PCDH9: variants seen among roughly 807,000 people sequenced by gnomAD.
PCDH9 encodes protocadherin-9.
Under a neutral mutation model 70.6 loss-of-function variants are expected in PCDH9, and 24 were observed. That is an observed-to-expected ratio of 0.34 (90% CI 0.25 to 0.48). The LOEUF is 0.48. PCDH9 is among the 20% of genes least tolerant of loss of function. The pLI is 0.99. For synonymous variants in PCDH9, 562 were observed against 558.5 expected, an observed-to-expected ratio of 1.01 and a Z score of -0.09; for missense variants, 1,281 against 1,503.6, an observed-to-expected ratio of 0.85 and a Z score of 2.45.
At chr13:67,128,986 C>CTGCCTGGTGATAACCACT (rs1239763001) in intron 2 of PCDH9, among the ~76,000 whole-genome samples, 48 of 152,156 alleles carry the variant, frequency 3.2e-4, no homozygotes, top group African/African-American at 1.1e-3. Context: ...ACATATTCTC[C>CTGCCTGGTGATAACCACT]TGCCTGGTGA....
At chr13:66,907,962 C>T (rs973457175) in intron 2 of PCDH9, among the ~76,000 whole-genome samples, 1 of 152,062 alleles carries the variant, frequency 6.6e-6, no homozygotes, top group Non-Finnish European at 1.5e-5. Flanking sequence ...CCACTGAAAA[C>T]GTTATTCCTA....
At chr13:67,073,573 A>AT (rs1178500011) in intron 2 of PCDH9, among the ~76,000 whole-genome samples, 1 of 152,118 alleles carries the variant, frequency 6.6e-6, no homozygotes, top group African/African-American at 2.4e-5. Flanking sequence ...AATCTCTTAT[A>AT]TAACTATGTG....
chr13:66,818,792 G>A (rs2080654965), intron 3 of PCDH9, among the ~76,000 whole-genome samples: 1 of 151,990 alleles, frequency 6.6e-6, no homozygotes, highest in Non-Finnish European at 1.5e-5. Flanking sequence ...AAATTAGCCG[G>A]GCGAGGTGGC....
chr13:66,502,197 T>C (rs1959180396), intron 4 of PCDH9, among the ~76,000 whole-genome samples: 1 of 152,178 alleles, frequency 6.6e-6, no homozygotes, highest in South Asian at 2.1e-4. Context: ...AAAGTATTTT[T>C]TTCTGTCAAG....
chr13:66,407,033 G>C (rs890638888), intron 4 of PCDH9, among the ~76,000 whole-genome samples: 2 of 152,100 alleles, frequency 1.3e-5, no homozygotes, highest in Non-Finnish European at 2.9e-5. Context: ...AGGTTTATGT[G>C]CTTATCTCAG....
At chr13:66,562,481 G>A (rs2076587892) in intron 4 of PCDH9, among the ~76,000 whole-genome samples, 2 of 152,136 alleles carry the variant, frequency 1.3e-5, no homozygotes, top group African/African-American at 4.8e-5. Context: ...TGGCTGGGGA[G>A]GCCTCACAAT....
At chr13:66,445,592 T>C (rs1235897283) in intron 4 of PCDH9, among the ~76,000 whole-genome samples, 1 of 143,374 alleles carries the variant, frequency 7.0e-6, no homozygotes, top group East Asian at 2.0e-4. Context: ...TACACATATA[T>C]ATTATATACA....
intron 3 of PCDH9, among the ~76,000 whole-genome samples, chr13:66,700,147 CTG>C (rs1335762503): frequency 6.6e-6 from 1 of 150,672 alleles, no homozygotes; most frequent in Non-Finnish European, 1.5e-5. Context: ...ACCCCGGCAC[CTG>C]TATTGCCAAC....
At chr13:66,450,123 C>T (rs1958174896) in intron 4 of PCDH9, among the ~76,000 whole-genome samples, 1 of 152,038 alleles carries the variant, frequency 6.6e-6, no homozygotes, top group South Asian at 2.1e-4. Flanking sequence ...CTACATCTTA[C>T]CCTAGAAAAT....
intron 2 of PCDH9, among the ~76,000 whole-genome samples, chr13:67,144,931 C>T (rs1204683590): frequency 2.6e-5 from 4 of 152,218 alleles, no homozygotes; most frequent in Middle Eastern, 6.8e-3. Flanking sequence ...GTCACTTTAA[C>T]CCCCTTAATT....
intron 4 of PCDH9, among the ~76,000 whole-genome samples, chr13:66,455,145 A>T (rs1958293191): frequency 6.6e-6 from 1 of 152,016 alleles, no homozygotes. Flanking sequence ...AAGTTTCATA[A>T]TTCAATCATA....
chr13:67,216,163 C>T (rs542243419), intron 2 of PCDH9: 35 of 152,150 alleles, frequency 2.3e-4, no homozygotes, highest in African/African-American at 8.2e-4. Flanking sequence ...TAACCCTTAG[C>T]TAAAGCAGAA....
chr13:67,195,656 T>C (rs1244490395), intron 2 of PCDH9, among the ~76,000 whole-genome samples: 1 of 152,194 alleles, frequency 6.6e-6, no homozygotes, highest in African/African-American at 2.4e-5. Context: ...TGAATTATTA[T>C]ATTTTGACAA....
At chr13:66,434,503 G>A (rs1233043181) in intron 4 of PCDH9, among the ~76,000 whole-genome samples, 3 of 151,970 alleles carry the variant, frequency 2.0e-5, no homozygotes, top group Non-Finnish European at 4.4e-5. Context: ...GGATATCCCT[G>A]TTGTGTTCAC....
intron 2 of PCDH9, chr13:67,205,273 A>G (rs555676324): frequency 1.3e-5 from 2 of 152,208 alleles, no homozygotes; most frequent in Non-Finnish European, 2.9e-5. Flanking sequence ...TGATCTATCT[A>G]AAATAGTCCC....
chr13:66,590,312 G>C (rs1208874443), intron 4 of PCDH9, among the ~76,000 whole-genome samples: 1 of 151,814 alleles, frequency 6.6e-6, no homozygotes, highest in Non-Finnish European at 1.5e-5. Flanking sequence ...TTCATATTGA[G>C]GCTTTGATAA....
chr13:66,939,927 T>G (rs1394524829), intron 2 of PCDH9, among the ~76,000 whole-genome samples: 1 of 152,172 alleles, frequency 6.6e-6, no homozygotes, highest in East Asian at 1.9e-4. Context: ...AGTTCTTCAA[T>G]TTGATGTATA....
At chr13:66,833,412 T>A (rs1466283326) in intron 3 of PCDH9, among the ~76,000 whole-genome samples, 5 of 152,194 alleles carry the variant, frequency 3.3e-5, no homozygotes, top group African/African-American at 1.2e-4. Context: ...ACATTTCATT[T>A]GATCCTCTTT....
intron 4 of PCDH9, among the ~76,000 whole-genome samples, chr13:66,485,624 C>G (rs181920188): frequency 5.0e-4 from 73 of 146,014 alleles, no homozygotes; most frequent in African/African-American, 1.9e-3. Context: ...GAGAGAGAGA[C>G]AGAGACATAG....
Sources: allele counts gnomAD v4.1 joint callset (sites outside exome capture counted in the v4.1 genomes callset), GRCh38; gene constraint gnomAD v4.1.1; transcripts MANE v1.5; gene names NCBI Gene and HGNC (gene_info 2026-07-23, HGNC 2026-07-21).